Variants in HIF3A observed in about 807,000 individuals in gnomAD.
HIF3A encodes hypoxia-inducible factor 3-alpha.
In HIF3A, 41 loss-of-function variants were observed where a neutral mutation model predicts 67.2. That is an observed-to-expected ratio of 0.61 (90% CI 0.48 to 0.79). The LOEUF (loss-of-function observed/expected upper bound fraction) is 0.79, where lower values mean the gene tolerates loss of function less well. HIF3A is among the 30% of genes least tolerant of loss of function. HIF3A has a pLI of 0.00. For synonymous variants in HIF3A, 356 were observed against 374.8 expected, an observed-to-expected ratio of 0.95 and a Z score of 0.58; for missense variants, 855 against 898.0, an observed-to-expected ratio of 0.95 and a Z score of 0.61.
intron 3 of HIF3A, among the ~76,000 whole-genome samples, chr19:46,307,605 G>A (rs8105156): frequency 0.26 from 39,759 of 151,870 alleles, 5,526 homozygotes; most frequent in East Asian, 0.49. Context: ...AAAATTAGCC[G>A]GGTGTGGTGG....
intron 14 of HIF3A, among the ~76,000 whole-genome samples, chr19:46,339,018 C>G (rs1469513681): frequency 6.6e-6 from 1 of 151,932 alleles, no homozygotes; most frequent in Admixed American, 6.6e-5. Flanking sequence ...TAGTACCCCC[C>G]ACCTTTTTCC....
chr19:46,331,855 C>CA (rs532285027), intron 13 of HIF3A, among the ~76,000 whole-genome samples: 1,232 of 50,780 alleles, frequency 0.024, 30 homozygotes, highest in South Asian at 0.082. Context: ...AACTCCGTCT[C>CA]AAAAAAAAAA....
chr19:46,305,385 A>G lies in HIF3A; in HGVS notation c.358A>G (p.Ser120Gly), dbSNP rs1968753212. 6.2e-7 allele frequency: 1 copy of G among 1,613,724 alleles called. No individual in the cohort carries two copies. The highest frequency in any genetic ancestry group is 8.5e-7 in the Non-Finnish European group (1 of 1,179,944). Reference protein sequence around the residue: ...SENVSKHLGLSQLELIGHSIF... With the variant: ...SENVSKHLGLGQLELIGHSIF... Reference sequence around the variant, plus strand: ...GAATGTCAGCAAACACCTGGGCCTCAGTCAGGTGAGAGGAGCTCCTTGCTC... The same window carrying G: ...GAATGTCAGCAAACACCTGGGCCTCGGTCAGGTGAGAGGAGCTCCTTGCTC... The change falls in exon 3 of 15, where the codon AGT becomes GGT. Residue 120 changes from serine (S) to glycine (G), a missense_variant. Coordinates refer to ENST00000377670, the MANE Select transcript of HIF3A (RefSeq NM_152795.4).
intron 13 of HIF3A, among the ~76,000 whole-genome samples, chr19:46,332,351 T>C (rs1167445069): frequency 6.6e-6 from 1 of 150,550 alleles, no homozygotes; most frequent in African/African-American, 2.5e-5. Flanking sequence ...CTGGGCAACA[T>C]AGTAAGATGC....
chr19:46,300,215 T>C (rs1017598757), intron 1 of HIF3A, among the ~76,000 whole-genome samples: 2 of 152,158 alleles, frequency 1.3e-5, no homozygotes, highest in Non-Finnish European at 2.9e-5. Flanking sequence ...TATTTAATCC[T>C]CCTTTTAAGA....
chr19:46,335,200 G>T (rs1445283119), intron 14 of HIF3A, among the ~76,000 whole-genome samples: 1 of 152,020 alleles, frequency 6.6e-6, no homozygotes, highest in Non-Finnish European at 1.5e-5. Context: ...TGCCTTTTGG[G>T]GTGGAAGCCC....
At chr19:46,298,400 G>A in intron 1 of HIF3A, 2 of 1,288,404 alleles carry the variant, frequency 1.6e-6, no homozygotes, top group Non-Finnish European at 2.0e-6. Flanking sequence ...CTTTCCTGTG[G>A]AGTCATCTCA....
intron 4 of HIF3A, 36 bp downstream of exon 4, chr19:46,308,341 G>A (rs956920772): frequency 7.3e-7 from 1 of 1,363,996 alleles, no homozygotes; most frequent in Non-Finnish European, 1.0e-6. Flanking sequence ...CCACCATACA[G>A]AGGAGGAAGC....
chr19:46,322,342 G>A (rs1014913540), intron 10 of HIF3A, among the ~76,000 whole-genome samples: 4 of 152,158 alleles, frequency 2.6e-5, no homozygotes, highest in African/African-American at 9.7e-5. Context: ...TCTACCTGGA[G>A]ATAGTGTCAG....
intron 3 of HIF3A, among the ~76,000 whole-genome samples, chr19:46,307,146 C>G (rs1363183342): frequency 6.6e-6 from 1 of 152,220 alleles, no homozygotes; most frequent in East Asian, 1.9e-4. Context: ...ACCACTCTGT[C>G]TAAAGCAGCC....
chr19:46,321,998 A>T (rs770506461), intron 10 of HIF3A, 32 bp downstream of exon 10: 1 of 1,607,092 alleles, frequency 6.2e-7, no homozygotes. Flanking sequence ...AGCCCTCAGC[A>T]TCCAGTGCTC....
intron 6 of HIF3A, among the ~76,000 whole-genome samples, chr19:46,311,873 A>G (rs1426100631): frequency 3.3e-5 from 5 of 152,130 alleles, no homozygotes; most frequent in Non-Finnish European, 7.4e-5. Flanking sequence ...AAAACAAACA[A>G]CAAAACAAAC....
At chr19:46,334,871 T>C in intron 13 of HIF3A, 34 bp from the exon 14 acceptor site, 1 of 1,549,094 alleles carries the variant, frequency 6.5e-7, no homozygotes, top group Non-Finnish European at 8.9e-7. Context: ...CTAATGATGA[T>C]GATGATGGTG....
In HIF3A at chr19:46,301,835, A is replaced by T. The variant is rs1188566223; in HGVS notation, c.27-2063A>T. Among the ~76,000 whole-genome samples the T allele has an allele frequency of 2.1e-5, 3 of 144,040 alleles. 1 individual carries two copies. The highest frequency in any genetic ancestry group is 4.8e-5 in the Non-Finnish European group (3 of 62,738). 94.5% of individuals were successfully genotyped at this position (144,040 alleles called of 152,430 possible). ...AAACTCCGTCTCAAAAAAAAAAAAA[A>T]ATTAAAAATTAAAAATTAAAAAATA... is the stretch of plus-strand genomic sequence containing the variant. On this transcript the variant is annotated intron_variant, in intron 1 of 14. Coordinates refer to ENST00000377670, the MANE Select transcript of HIF3A (RefSeq NM_152795.4).
rs763526458 is a variant in HIF3A at position 46,335,013 on chromosome 19, C to A, written c.1912+27C>A. ...TGAGTAGCAACCTGGGTATCCAGAGCCCCAGAGCACCTTCTCCCCCGGGAG... is the reference window on the plus strand; with the variant it reads ...TGAGTAGCAACCTGGGTATCCAGAGACCCAGAGCACCTTCTCCCCCGGGAG... On this transcript the variant is annotated intron_variant, in intron 14 of 14. Transcript: ENST00000377670. 15 of 1,565,974 alleles carry A rather than the reference C, an allele frequency of 9.6e-6. No individual in the cohort carries two copies. The Admixed American group carries it at 2.6e-4, about 27-fold the overall frequency.
At position 46,300,383 on chromosome 19, in the gene HIF3A, G is replaced by A. The variant is rs117914914; in HGVS notation, c.26+3281G>A. Among the ~76,000 whole-genome samples the A allele has an allele frequency of 2.4e-3, 373 of 152,278 alleles. 6 individuals are homozygous for A. In the East Asian group the frequency reaches 0.037, roughly 15 times the overall value. ...GAGAACAGTAAGTCTAACCTTGGCCGGGCGCGGTGGCTCATGCCTGTAATC... is the reference window on the plus strand; with the variant it reads ...GAGAACAGTAAGTCTAACCTTGGCCAGGCGCGGTGGCTCATGCCTGTAATC... On this transcript the variant is annotated intron_variant, in intron 1 of 14. Transcript: ENST00000377670.
At chr19:46,314,133 T>G (rs1240669034) in intron 8 of HIF3A, among the ~76,000 whole-genome samples, 1 of 151,818 alleles carries the variant, frequency 6.6e-6, no homozygotes, top group Non-Finnish European at 1.5e-5. Context: ...ATACAAGATT[T>G]TATGAGATCA....
In HIF3A at chr19:46,304,298, G is replaced by A. The variant is rs1400530824; in HGVS notation, c.217+210G>A. On this transcript the variant is annotated intron_variant, in intron 2 of 14. Coordinates refer to ENST00000377670, the MANE Select transcript of HIF3A (RefSeq NM_152795.4). Reference sequence around the variant, plus strand: ...GAGTTCCTGGCCTGCTGGGAGTCCCGCCCCCCTCGAAGTCTATCACTTGTG... The same window carrying A: ...GAGTTCCTGGCCTGCTGGGAGTCCCACCCCCCTCGAAGTCTATCACTTGTG... 5.2e-6 allele frequency: 3 copies of A among 579,056 alleles called. No individual in the cohort carries two copies. In the African/African-American group the frequency reaches 5.9e-5, roughly 11 times the overall value. The allele number at this position is 579,056 out of a possible 1,614,324, so 35.9% of individuals were successfully genotyped here.
intron 13 of HIF3A, among the ~76,000 whole-genome samples, chr19:46,333,918 A>G (rs2058596): frequency 0.92 from 137,441 of 149,382 alleles, 63,248 homozygotes; most frequent in Non-Finnish European, 0.93. Flanking sequence ...TCAGCCTCCC[A>G]AGTAGCTGGG....
Sources: allele counts gnomAD v4.1 joint callset (sites outside exome capture counted in the v4.1 genomes callset), GRCh38; gene constraint gnomAD v4.1.1; transcripts MANE v1.5; gene names NCBI Gene and HGNC (gene_info 2026-07-23, HGNC 2026-07-21).